RP1L1: variants seen among roughly 807,000 people sequenced by gnomAD.
RP1L1 encodes retinitis pigmentosa 1-like 1 protein.
A neutral mutation model predicts 15.7 loss-of-function variants in RP1L1; 27 were observed. That is an observed-to-expected ratio of 1.72 (90% CI 1.27 to 2.38). The LOEUF (loss-of-function observed/expected upper bound fraction) is 2.38. Ranked by LOEUF, RP1L1 falls within the 30% of genes most tolerant of loss-of-function variation. RP1L1 has a pLI of 0.00. For synonymous variants in RP1L1, 1,813 were observed against 1,276.7 expected (o/e 1.42, Z -8.96); for missense variants, 4,798 against 3,075.9 (o/e 1.56, Z -13.24).
chr8:10,610,917 C>G lies in RP1L1; in HGVS notation c.3181G>C (p.Asp1061His), dbSNP rs766444786. Residue 1061 changes from aspartate (D) to histidine (H), a missense_variant, in exon 4 of 4, where the codon GAC becomes CAC. Asp to His is a moderately conservative substitution (Grantham distance 81). Transcript: ENST00000382483. ...CTGCAGCCTGCTGGGGCCTCTCTGT[C>G]TGCTCCGGCCTCTGCAGGGGCCTCG... ...VSEAPAEAGADREAPAGCRVS... is the reference protein window; with the variant it reads ...VSEAPAEAGAHREAPAGCRVS... 1.9e-6 allele frequency: 3 copies of G among 1,610,914 alleles called. No homozygotes were observed. The highest frequency in any genetic ancestry group is 1.7e-6 in the Non-Finnish European group (2 of 1,179,190).
In RP1L1 at chr8:10,623,154, G is replaced by A; in HGVS notation, c.48C>T (p.Cys16=). ...RNAQAPSHRE[C]FLPSVARTPS... ...GGGTGCGAGCCACAGAGGGCAGGAA[G>A]CACTCACGGTGGCTCGGGGCCTGGG... The change falls in exon 2 of 4, where the codon TGC becomes TGT. Residue 16 remains cysteine, a synonymous_variant. Transcript: ENST00000382483. 6.3e-7 allele frequency: 1 copy of A among 1,598,556 alleles called. No homozygotes were observed. The highest frequency in any genetic ancestry group is 8.5e-7 in the Non-Finnish European group (1 of 1,171,462).
chr8:10,631,350 CACAT>C (rs1798244926), intron 1 of RP1L1, among the ~76,000 whole-genome samples: 1 of 52,760 alleles, frequency 1.9e-5, no homozygotes, highest in Admixed American at 1.8e-4. Context: ...CACACGCACA[CACAT>C]GCACACAAAC....
intron 1 of RP1L1, among the ~76,000 whole-genome samples, chr8:10,637,974 T>C (rs1466949639): frequency 1.3e-5 from 2 of 152,160 alleles, no homozygotes; most frequent in Non-Finnish European, 1.5e-5. Context: ...TGGGTCCCCT[T>C]TGCAACAAGA....
rs74968439 is a variant in RP1L1 at position 10,607,424 on chromosome 8, G to A, written c.6674C>T (p.Pro2225Leu). 4.0e-3 allele frequency: 6,441 copies of A among 1,613,476 alleles called. 239 individuals carry two copies. In the African/African-American group the frequency reaches 0.077, roughly 19 times the overall value. Residue 2225 changes from proline to leucine, a missense_variant, in exon 4 of 4, where the codon CCA becomes CTA. By Grantham distance (98) the Pro-to-Leu change is moderately conservative (BLOSUM62 -3). Coordinates refer to ENST00000382483, the MANE Select transcript of RP1L1 (RefSeq NM_178857.6). The part of the protein sequence containing the change: ...PEAEEEAQPE[P>L]EGVETPEAEG... ...AGCCTCCGGGGTCTCTACGCCTTCTGGCTCTGGCTGGGCCTCCTCTTCAGC... is the reference window on the plus strand; with the variant it reads ...AGCCTCCGGGGTCTCTACGCCTTCTAGCTCTGGCTGGGCCTCCTCTTCAGC...
intron 1 of RP1L1, among the ~76,000 whole-genome samples, chr8:10,633,971 T>A (rs1798291487): frequency 6.6e-6 from 1 of 152,134 alleles, no homozygotes; most frequent in Admixed American, 6.5e-5. Flanking sequence ...CCTCTCTGCC[T>A]GTGGAGAAGG....
In RP1L1 at chr8:10,610,119, T is replaced by TTCTTGCAGCCCTTCTATTAC. The variant is rs1554451552; in HGVS notation, c.3978_3979insGTAATAGAAGGGCTGCAAGA (p.Thr1327ValfsTer19). 6.8e-6 allele frequency: 7 copies of TTCTTGCAGCCCTTCTATTAC among 1,036,220 alleles called. No individual in the cohort carries two copies. The African/African-American group carries it at 1.7e-4, about 25-fold the overall frequency. 64.2% of individuals were successfully genotyped at this position (1,036,220 alleles called of 1,614,324 possible). A position where few individuals can be genotyped will look rare whatever the true frequency, so the allele number is the denominator to read the frequency against. ...CCCTCTTCTTGCAGCCCTTCTTCTG[T>TTCTTGCAGCCCTTCTATTAC]TTTAGTTTCCTCTAACTGCACCGCC... On this transcript the variant is annotated frameshift_variant, in exon 4 of 4. Coordinates refer to ENST00000382483, the MANE Select transcript of RP1L1 (RefSeq NM_178857.6). LOFTEE classifies it low-confidence loss of function (END_TRUNC).
At chr8:10,652,529 G>A (rs1410660122) in intron 1 of RP1L1, among the ~76,000 whole-genome samples, 1 of 152,118 alleles carries the variant, frequency 6.6e-6, no homozygotes, top group Non-Finnish European at 1.5e-5. Context: ...TAAAGAATCT[G>A]GGGCTTGGAA....
In RP1L1 at chr8:10,609,457, C is replaced by G. The variant is rs960411300; in HGVS notation, c.4641G>C (p.Leu1547=). The G allele has an allele frequency of 2.5e-6, 4 of 1,612,374 alleles. No homozygotes were observed. In the South Asian group the frequency reaches 4.4e-5, roughly 18 times the overall value. Residue 1547 remains leucine (L), a synonymous_variant, in exon 4 of 4, where the codon CTG becomes CTC. Coordinates refer to ENST00000382483, the MANE Select transcript of RP1L1 (RefSeq NM_178857.6). ...AVAELRARWG[L]QDNDLLDQMA... ...TCTGGTCCAGCAGATCATTGTCCTG[C>G]AGGCCCCAGCGTGCTCGGAGCTCAG...
chr8:10,607,383 G>C lies in RP1L1; in HGVS notation c.6715C>G (p.Pro2239Ala). The change falls in exon 4 of 4, where the codon CCA becomes GCA. Residue 2239 changes from proline to alanine, a missense_variant. Transcript: ENST00000382483. ...ETPEAEGEAQPESEGETQGEK... is the reference protein window; with the variant it reads ...ETPEAEGEAQAESEGETQGEK... Reference sequence around the variant, plus strand: ...CCTTGAGTTTCTCCTTCTGACTCTGGCTGGGCCTCCCCTTCAGCCTCCGGG... The same window carrying C: ...CCTTGAGTTTCTCCTTCTGACTCTGCCTGGGCCTCCCCTTCAGCCTCCGGG... The C allele has an allele frequency of 2.5e-6, 4 of 1,607,872 alleles. No homozygotes were observed. Among genetic ancestry groups the C allele is most frequent in the Non-Finnish European group, 3.4e-6 (4 of 1,176,230 alleles).
intron 3 of RP1L1, among the ~76,000 whole-genome samples, chr8:10,613,600 C>CAAAAAAAAAAAAAAAAAAAAAAAGAAA (rs1797917685): frequency 1.6e-5 from 1 of 62,376 alleles, no homozygotes. Flanking sequence ...ACCATCTCTC[C>CAAAAAAAAAAAAAAAAAAAAAAAGAAA]AAAAAAAAAA....
chr8:10,633,087 C>T (rs976462128), intron 1 of RP1L1, among the ~76,000 whole-genome samples: 3 of 152,154 alleles, frequency 2.0e-5, no homozygotes, highest in Non-Finnish European at 4.4e-5. Context: ...TCCAACAGCA[C>T]GGCGACGTTC....
At chr8:10,645,763 C>A (rs775818814) in intron 1 of RP1L1, among the ~76,000 whole-genome samples, 6 of 152,056 alleles carry the variant, frequency 3.9e-5, no homozygotes, top group Non-Finnish European at 8.8e-5. Context: ...CCAGTGCAAG[C>A]GAGTCCAGCC....
At position 10,607,489 on chromosome 8, in the gene RP1L1, C is replaced by A. The variant is rs1025662893; in HGVS notation, c.6609G>T (p.Gly2203=). ...SEGIEAPEAE[G]EAQPELEGVE... The stretch of plus-strand genomic sequence containing the variant: ...CACCTTCTAACTCTGGTTGGGCCTC[C>A]CCTTCTGCCTCTGGGGCCTCTATAC... The change falls in exon 4 of 4, where the codon GGG becomes GGT. Residue 2203 remains glycine (G), a synonymous_variant. Coordinates refer to ENST00000382483, the MANE Select transcript of RP1L1 (RefSeq NM_178857.6). 10 of 1,609,254 alleles carry A rather than the reference C, an allele frequency of 6.2e-6. No homozygotes were observed. Among genetic ancestry groups the A allele is most frequent in the Admixed American group, 5.0e-5 (3 of 59,648 alleles).
In RP1L1 at chr8:10,612,093, G is replaced by A. The variant is rs760824246; in HGVS notation, c.2005C>T (p.His669Tyr). 5 of 1,613,876 alleles carry A rather than the reference G, an allele frequency of 3.1e-6. No individual in the cohort carries two copies. In the South Asian group the frequency reaches 3.3e-5, roughly 11 times the overall value. Reference sequence around the variant, plus strand: ...GGGCTGTGGGTGTCCTTGCGGTAGTGAGAATGCCTGGGATGGCCTCTCGGG... The same window carrying A: ...GGGCTGTGGGTGTCCTTGCGGTAGTAAGAATGCCTGGGATGGCCTCTCGGG... ...VAPRGHPRHS[H>Y]YRKDTHSPLD... The change falls in exon 4 of 4, where the codon CAC becomes TAC. Residue 669 changes from histidine (H) to tyrosine (Y), a missense_variant. By Grantham distance (83) the His-to-Tyr change is moderately conservative. Coordinates refer to ENST00000382483, the MANE Select transcript of RP1L1 (RefSeq NM_178857.6).
At position 10,609,162 on chromosome 8, in the gene RP1L1, G is replaced by A; in HGVS notation, c.4936C>T (p.Gln1646Ter). ...EPALSTALGS[Q>*]LGEEAEGEEF... Reference sequence around the variant, plus strand: ...TCCCCCTCCGCCTCCTCGCCCAGCTGGCTCCCCAGGGCTGTGCTGAGGGCT... The same window carrying A: ...TCCCCCTCCGCCTCCTCGCCCAGCTAGCTCCCCAGGGCTGTGCTGAGGGCT... Residue 1646 changes from glutamine (Q) to a stop codon, truncating the protein, a stop_gained, in exon 4 of 4, where the codon CAG (glutamine) becomes TAG (stop). Coordinates refer to ENST00000382483, the MANE Select transcript of RP1L1 (RefSeq NM_178857.6). LOFTEE classifies it low-confidence loss of function (END_TRUNC). 1 of 1,612,694 alleles carries A rather than the reference G, an allele frequency of 6.2e-7. No homozygotes were observed.
At chr8:10,638,437 C>A (rs62492302) in intron 1 of RP1L1, among the ~76,000 whole-genome samples, 40,414 of 152,024 alleles carry the variant, frequency 0.27, 5,728 homozygotes, top group African/African-American at 0.32. Context: ...ATTCCCTTGA[C>A]TATTTTTTAT....
At position 10,608,374 on chromosome 8, in the gene RP1L1, G is replaced by T. The variant is rs527868296; in HGVS notation, c.5724C>A (p.Ala1908=). 2 of 1,611,852 alleles carry T rather than the reference G, an allele frequency of 1.2e-6. No homozygotes were observed. The highest frequency in any genetic ancestry group is 1.3e-5 in the African/African-American group (1 of 74,098). Reference sequence around the variant, plus strand: ...GCTGGGCCTCCTTTTCTGCCTCCGGGGCTTCTGCACCTTCTGACTCTGGCT... The same window carrying T: ...GCTGGGCCTCCTTTTCTGCCTCCGGTGCTTCTGCACCTTCTGACTCTGGCT... The part of the protein sequence containing the change: ...EVQPESEGAE[A]PEAEKEAQPE... The change falls in exon 4 of 4, where the codon GCC becomes GCA. Residue 1908 remains alanine, a synonymous_variant. Coordinates refer to ENST00000382483, the MANE Select transcript of RP1L1 (RefSeq NM_178857.6).
chr8:10,607,508 T>G lies in RP1L1; in HGVS notation c.6590A>C (p.Glu2197Ala), dbSNP rs1468975118. 6.2e-7 allele frequency: 1 copy of G among 1,607,758 alleles called. No homozygotes were observed. Among genetic ancestry groups the G allele is most frequent in the African/African-American group, 1.3e-5 (1 of 74,650 alleles). Residue 2197 changes from glutamate to alanine, a missense_variant, in exon 4 of 4, where the codon GAG becomes GCG. By Grantham distance (107) the Glu-to-Ala change is moderately radical. Coordinates refer to ENST00000382483, the MANE Select transcript of RP1L1 (RefSeq NM_178857.6). ...GGCCTCCCCTTCTGCCTCTGGGGCC[T>G]CTATACCTTCTGACTCTGGCTGGGC... ...GEAQPESEGI[E>A]APEAEGEAQP...
intron 1 of RP1L1, among the ~76,000 whole-genome samples, chr8:10,633,445 T>C (rs900948784): frequency 1.3e-5 from 2 of 151,986 alleles, no homozygotes; most frequent in African/African-American, 2.4e-5. Context: ...AAACCCCAAA[T>C]TGCATCAGCT....
Sources: allele counts gnomAD v4.1 joint callset (sites outside exome capture counted in the v4.1 genomes callset), GRCh38; gene constraint gnomAD v4.1.1; transcripts MANE v1.5; gene names NCBI Gene and HGNC (gene_info 2026-07-23, HGNC 2026-07-21).